The following MYO5C variants were observed in gnomAD, a reference collection of about 807,000 sequenced individuals.
MYO5C encodes unconventional myosin-Vc.
In MYO5C, 194 loss-of-function variants were observed where a neutral mutation model predicts 235.7. That is an observed-to-expected ratio of 0.82 (90% CI 0.73 to 0.93). MYO5C has a LOEUF of 0.93. MYO5C is among the 40% of genes least tolerant of loss of function. The pLI is 0.00. For missense variants in MYO5C, 2,038 were observed against 2,127.2 expected, an observed-to-expected ratio of 0.96 and a Z score of 0.82; for synonymous variants, 707 against 754.8, an observed-to-expected ratio of 0.94 and a Z score of 1.04.
chr15:52,225,588 A>G lies in MYO5C; in HGVS notation c.3208-56T>C. ...AGAAAAAACAACGATTATGCTTTAT[A>G]TAAGACAAAGGGAACACAATTACAG... On this transcript the variant is annotated intron_variant, in intron 25 of 40. Transcript: ENST00000261839. 2.5e-6 allele frequency: 3 copies of G among 1,212,226 alleles called. No homozygotes were observed. The Admixed American group carries it at 5.1e-5, about 20-fold the overall frequency. 75.1% of individuals were successfully genotyped at this position (1,212,226 alleles called of 1,614,324 possible). A position where few individuals can be genotyped will look rare whatever the true frequency, so the allele number is the denominator to read the frequency against.
chr15:52,239,935 A>G lies in MYO5C; in HGVS notation c.2557-56T>C, dbSNP rs532915658. The G allele has an allele frequency of 7.1e-6, 11 of 1,543,290 alleles. No individual in the cohort carries two copies. The African/African-American group carries it at 1.4e-4, about 19-fold the overall frequency. On this transcript the variant is annotated intron_variant, in intron 20 of 40. Transcript: ENST00000261839. ...TGGATCCCAAGTGCTTCTCTAACCA[A>G]CTCCTTCAACACTGGAAGATGCAAC... is the stretch of plus-strand genomic sequence containing the variant.
intron 12 of MYO5C, among the ~76,000 whole-genome samples, chr15:52,252,862 C>T (rs2036503162): frequency 6.6e-6 from 1 of 152,150 alleles, no homozygotes; most frequent in Non-Finnish European, 1.5e-5. Context: ...GAGACACTGC[C>T]AGGCTGGCCT....
At chr15:52,254,008 G>A (rs2036530557) in intron 11 of MYO5C, among the ~76,000 whole-genome samples, 1 of 149,616 alleles carries the variant, frequency 6.7e-6, no homozygotes, top group African/African-American at 2.5e-5. Flanking sequence ...GTGGGGTGGG[G>A]TGGGGCATCA....
chr15:52,286,461 C>A (rs868361804), intron 1 of MYO5C, among the ~76,000 whole-genome samples: 123 of 152,220 alleles, frequency 8.1e-4, no homozygotes, highest in African/African-American at 2.9e-3. Context: ...TCATTGAGAA[C>A]GGGCCATGAT....
At chr15:52,264,843 G>A (rs1424936952) in intron 8 of MYO5C, among the ~76,000 whole-genome samples, 5 of 152,206 alleles carry the variant, frequency 3.3e-5, no homozygotes, top group Non-Finnish European at 7.3e-5. Context: ...AAGGTTCCGA[G>A]TGCGTCCTCC....
chr15:52,247,011 G>A lies in MYO5C; in HGVS notation c.1885C>T (p.Arg629Cys), dbSNP rs762489965. Reference protein sequence around the residue: ...HFRTTVGSKFRSSLYLLMETL... With the variant: ...HFRTTVGSKFCSSLYLLMETL... ...TCCATGAGCAAGTACAGAGAGCTGC[G>A]GAACTAGGAAACAAAGCTAGAGATC... is the stretch of plus-strand genomic sequence containing the variant. Residue 629 changes from arginine to cysteine, a missense_variant, in exon 16 of 41, where the codon CGC (arginine) becomes TGC (cysteine). Physicochemically the swap from Arg to Cys is radical, Grantham distance 180. Coordinates refer to ENST00000261839, the MANE Select transcript of MYO5C (RefSeq NM_018728.4). The A allele has an allele frequency of 3.0e-5, 49 of 1,611,086 alleles. No homozygotes were observed. The highest frequency in any genetic ancestry group is 1.0e-4 in the South Asian group (9 of 90,374).
At chr15:52,239,007 A>C (rs968698067) in intron 21 of MYO5C, among the ~76,000 whole-genome samples, 12 of 151,326 alleles carry the variant, frequency 7.9e-5, no homozygotes, top group African/African-American at 2.9e-4. Context: ...GCTGGAGTGC[A>C]GTGGCGCCAT....
At position 52,205,007 on chromosome 15, in the gene MYO5C, T is replaced by G; in HGVS notation, c.4678A>C (p.Thr1560Pro). Residue 1560 changes from threonine to proline, a missense_variant, in exon 38 of 41, where the codon ACC (threonine) becomes CCC (proline). By Grantham distance (38) the Thr-to-Pro change is conservative. Transcript: ENST00000261839. ...SVLQQLSYFY[T>P]TMCQNGLDPE... ...TCCAGGCCGTTCTGGCACATGGTGG[T>G]GTAAAAGTAGCTCAGCTGTTGCAGG... is the stretch of plus-strand genomic sequence containing the variant. 1 of 1,614,126 alleles carries G rather than the reference T, an allele frequency of 6.2e-7. No individual in the cohort carries two copies. Among genetic ancestry groups the G allele is most frequent in the Non-Finnish European group, 8.5e-7 (1 of 1,180,020 alleles).
At chr15:52,237,925 C>A (rs576519315) in intron 21 of MYO5C, among the ~76,000 whole-genome samples, 4 of 150,582 alleles carry the variant, frequency 2.7e-5, no homozygotes, top group Non-Finnish European at 5.9e-5. Context: ...CTGTGCCCCC[C>A]GCCAAAATTC....
intron 32 of MYO5C, among the ~76,000 whole-genome samples, chr15:52,216,346 C>G (rs1277438833): frequency 6.6e-6 from 1 of 152,080 alleles, no homozygotes; most frequent in Non-Finnish European, 1.5e-5. Context: ...TCCTGAGTAG[C>G]CAGAGCTACA....
intron 34 of MYO5C, 64 bp from the exon 35 acceptor site, chr15:52,211,948 T>TCTCCTAAG: frequency 1.3e-5 from 20 of 1,539,950 alleles, no homozygotes; most frequent in Non-Finnish European, 1.8e-5. Context: ...AAGGAACTTG[T>TCTCCTAAG]GACTAGGGGC....
chr15:52,289,145 T>G (rs1005972735), intron 1 of MYO5C, among the ~76,000 whole-genome samples: 2 of 151,912 alleles, frequency 1.3e-5, no homozygotes, highest in African/African-American at 4.8e-5. Context: ...CTCCTCTTCA[T>G]TCGCTCCTCA....
chr15:52,245,516 T>A, intron 17 of MYO5C, 51 bp from the exon 18 acceptor site: 1 of 1,307,106 alleles, frequency 7.7e-7, no homozygotes, highest in South Asian at 1.2e-5. Context: ...AAGCACATTG[T>A]GTCTGGGGAC....
intron 32 of MYO5C, among the ~76,000 whole-genome samples, chr15:52,216,067 G>A (rs1200525829): frequency 6.6e-6 from 1 of 152,132 alleles, no homozygotes; most frequent in Non-Finnish European, 1.5e-5. Context: ...CAAAGGGAAT[G>A]TACTTTCCAA....
intron 25 of MYO5C, among the ~76,000 whole-genome samples, chr15:52,228,500 T>C (rs770756108): frequency 2.0e-5 from 3 of 152,230 alleles, no homozygotes; most frequent in Non-Finnish European, 4.4e-5. Context: ...GATTTTTCCT[T>C]CTCAGCTTTA....
chr15:52,204,633 G>A, intron 38 of MYO5C, among the ~76,000 whole-genome samples: 1 of 152,096 alleles, frequency 6.6e-6, no homozygotes, highest in Non-Finnish European at 1.5e-5. Flanking sequence ...TACTGGTTCT[G>A]GGTTAAAGCG....
At chr15:52,284,833 TTC>T (rs1261050567) in intron 1 of MYO5C, among the ~76,000 whole-genome samples, 3 of 118,338 alleles carry the variant, frequency 2.5e-5, no homozygotes, top group Admixed American at 9.8e-5. Context: ...TTCTTTTTCT[TTC>T]TTTCTTTTTT....
chr15:52,237,926 G>T (rs4776023), intron 21 of MYO5C, among the ~76,000 whole-genome samples: 26 of 150,424 alleles, frequency 1.7e-4, no homozygotes, highest in Non-Finnish European at 3.4e-4. Flanking sequence ...TGTGCCCCCC[G>T]CCAAAATTCA....
intron 8 of MYO5C, among the ~76,000 whole-genome samples, chr15:52,269,221 G>A (rs750009005): frequency 1.3e-5 from 2 of 152,176 alleles, no homozygotes; most frequent in African/African-American, 2.4e-5. Context: ...TCTCACAGCC[G>A]AGCCAGGAAG....
Sources: allele counts gnomAD v4.1 joint callset (sites outside exome capture counted in the v4.1 genomes callset), GRCh38; gene constraint gnomAD v4.1.1; transcripts MANE v1.5; gene names NCBI Gene and HGNC (gene_info 2026-07-23, HGNC 2026-07-21).